CDC25A: variants seen among roughly 807,000 people sequenced by gnomAD.
CDC25A encodes the protein cell division cycle 25A, also known as M-phase inducer phosphatase 1.
CDC25A carries 17 observed loss-of-function variants against 64.6 expected under a neutral mutation model. The ratio of observed to expected loss-of-function variants is 0.26; its 90% confidence interval spans 0.18 to 0.39. The LOEUF is 0.39. Among genes scored for constraint, CDC25A ranks in the 10% least tolerant of loss-of-function variants. CDC25A has a pLI of 1.00. For missense variants in CDC25A, 473 were observed against 654.8 expected, an observed-to-expected ratio of 0.72 and a Z score of 3.03; for synonymous variants, 229 against 238.6, an observed-to-expected ratio of 0.96 and a Z score of 0.37.
intron 13 of CDC25A, among the ~76,000 whole-genome samples, chr3:48,163,555 G>C (rs1287113112): frequency 6.6e-6 from 1 of 151,996 alleles, no homozygotes; most frequent in Admixed American, 6.6e-5. Flanking sequence ...AGTGAGAAGA[G>C]ATTGTGCCAC....
At chr3:48,161,656 C>T (rs2031769067) in intron 13 of CDC25A, among the ~76,000 whole-genome samples, 1 of 152,036 alleles carries the variant, frequency 6.6e-6, no homozygotes, top group Non-Finnish European at 1.5e-5. Context: ...CTACAGTGAG[C>T]TGTGCTCCTG....
At chr3:48,159,664 C>T (rs2031665604) in intron 13 of CDC25A, among the ~76,000 whole-genome samples, 1 of 152,120 alleles carries the variant, frequency 6.6e-6, no homozygotes, top group Non-Finnish European at 1.5e-5. Context: ...GTCTCTTCCC[C>T]AATTTTCCTT....
At chr3:48,176,531 G>GCA (rs1359449259) in intron 8 of CDC25A, among the ~76,000 whole-genome samples, 1 of 138,122 alleles carries the variant, frequency 7.2e-6, no homozygotes, top group Non-Finnish European at 1.6e-5. Flanking sequence ...GTGTGTGTGA[G>GCA]TATATATATA....
At chr3:48,185,422 CAAAA>C (rs35677711) in intron 2 of CDC25A, among the ~76,000 whole-genome samples, 6 of 89,436 alleles carry the variant, frequency 6.7e-5, no homozygotes, top group African/African-American at 1.2e-4. Context: ...GACCCTGTCT[CAAAA>C]AAAAAAAAAA....
chr3:48,162,529 C>T (rs778123466), intron 13 of CDC25A, among the ~76,000 whole-genome samples: 2 of 151,654 alleles, frequency 1.3e-5, no homozygotes, highest in Non-Finnish European at 2.9e-5. Context: ...TGTGCCCAGC[C>T]ATAACCTCAC....
At chr3:48,174,629 T>C (rs2032391515) in intron 8 of CDC25A, 172 bp from the exon 9 acceptor site, 2 of 598,796 alleles carry the variant, frequency 3.3e-6, no homozygotes, top group South Asian at 2.2e-5. Flanking sequence ...TGGCACATAG[T>C]AGGCACTGAG....
In CDC25A at chr3:48,182,915, GA is replaced by G; in HGVS notation, c.429+13del. 1 of 1,552,214 alleles carries G rather than the reference GA, an allele frequency of 6.4e-7. No homozygotes were observed. The highest frequency in any genetic ancestry group is 8.9e-7 in the Non-Finnish European group (1 of 1,123,540). ...CACCTCTGCCTCAGGTTAGTACATT[GA>G]AGTCACACTCACATTTTCCTTGTTC... On this transcript the variant is annotated intron_variant, in intron 5 of 14. Coordinates refer to ENST00000302506, the MANE Select transcript of CDC25A (RefSeq NM_001789.3).
In CDC25A at chr3:48,163,367, G is replaced by A. The variant is rs181744983; in HGVS notation, c.1322+940C>T. 3.9e-3 allele frequency among the ~76,000 whole-genome samples: 595 copies of A among 152,156 alleles called. 4 individuals carry two copies. The highest frequency in any genetic ancestry group is 0.014 in the African/African-American group (562 of 41,526). On this transcript the variant is annotated intron_variant, in intron 13 of 14. Transcript: ENST00000302506. ...CGCCTGTAATCCCACTACTTTGGGA[G>A]GCTGAGGCAGGCGGATCACCTAAGG...
intron 9 of CDC25A, among the ~76,000 whole-genome samples, chr3:48,169,646 T>G (rs1042514850): frequency 6.6e-6 from 1 of 152,286 alleles, no homozygotes; most frequent in South Asian, 2.1e-4. Flanking sequence ...ACAAATAAAC[T>G]GTAAAAGTAC....
At chr3:48,183,186 C>G (rs1002438072) in intron 4 of CDC25A, among the ~76,000 whole-genome samples, 156 bp from the exon 5 acceptor site, 8 of 152,214 alleles carry the variant, frequency 5.3e-5, no homozygotes, top group African/African-American at 1.7e-4. Context: ...AGGAATCCAC[C>G]TTGCCAGGAC....
Position 48,187,763 on chromosome 3 carries a change from C to G in CDC25A, c.170+15G>C. ...GGCCAGGGGCCCGGAGCACCGCCCG[C>G]CGGTCTCTCCTTACCTGCCCAGACC... On this transcript the variant is annotated intron_variant, in intron 1 of 14. Transcript: ENST00000302506. 6.5e-7 allele frequency: 1 copy of G among 1,533,290 alleles called. No homozygotes were observed. The highest frequency in any genetic ancestry group is 8.8e-7 in the Non-Finnish European group (1 of 1,137,874). The allele number at this position is 1,533,290 out of a possible 1,614,324, so 95.0% of individuals were successfully genotyped here.
Position 48,187,770 on chromosome 3 carries a change from C to T in CDC25A, c.170+8G>A. 1 of 1,541,676 alleles carries T rather than the reference C, an allele frequency of 6.5e-7. No individual in the cohort carries two copies. The highest frequency in any genetic ancestry group is 1.2e-5 in the South Asian group (1 of 83,780). On this transcript the variant is annotated splice_region_variant and intron_variant, in intron 1 of 14. Transcript: ENST00000302506. ...GGCCCGGAGCACCGCCCGCCGGTCT[C>T]TCCTTACCTGCCCAGACCCTGCAGC...
intron 12 of CDC25A, 41 bp from the exon 13 acceptor site, chr3:48,164,478 C>A: frequency 6.9e-7 from 1 of 1,448,504 alleles, no homozygotes; most frequent in Non-Finnish European, 9.1e-7. Context: ...GCACGTTTCA[C>A]ACATGAAGTA....
At chr3:48,186,174 T>C (rs1172150570) in intron 2 of CDC25A, among the ~76,000 whole-genome samples, 1 of 152,222 alleles carries the variant, frequency 6.6e-6, no homozygotes, top group African/African-American at 2.4e-5. Flanking sequence ...TATACTTTAC[T>C]ACCCATCCTT....
intron 1 of CDC25A, among the ~76,000 whole-genome samples, chr3:48,187,102 T>C (rs1373376554): frequency 1.3e-5 from 2 of 152,218 alleles, no homozygotes; most frequent in South Asian, 4.1e-4. Context: ...ACAGGACACT[T>C]TCTGCTTTTC....
At chr3:48,180,592 T>G in intron 6 of CDC25A, 129 bp downstream of exon 6, 1 of 960,978 alleles carries the variant, frequency 1.0e-6, no homozygotes, top group Non-Finnish European at 1.5e-6. Flanking sequence ...CTTGACAGTC[T>G]AATTTCAAAA....
At chr3:48,174,034 T>G (rs990015141) in intron 9 of CDC25A, among the ~76,000 whole-genome samples, 3 of 152,096 alleles carry the variant, frequency 2.0e-5, no homozygotes, top group Non-Finnish European at 4.4e-5. Context: ...TGGCTCACAC[T>G]TGTAATCCCA....
chr3:48,159,117 A>G, intron 14 of CDC25A, 32 bp from the exon 15 acceptor site: 1 of 1,608,654 alleles, frequency 6.2e-7, no homozygotes, highest in Non-Finnish European at 8.5e-7. Context: ...AGGTTAGGGT[A>G]CACCTGCCTC....
chr3:48,169,528 A>C (rs1356276983), intron 9 of CDC25A, among the ~76,000 whole-genome samples: 1 of 152,238 alleles, frequency 6.6e-6, no homozygotes, highest in African/African-American at 2.4e-5. Flanking sequence ...TGAGCTCTTC[A>C]ACAAATAAAA....
Sources: allele counts gnomAD v4.1 joint callset (sites outside exome capture counted in the v4.1 genomes callset), GRCh38; gene constraint gnomAD v4.1.1; transcripts MANE v1.5; gene names NCBI Gene and HGNC (gene_info 2026-07-23, HGNC 2026-07-21).